The following CTDSPL variants were observed in gnomAD, a reference collection of about 807,000 sequenced individuals.
CTDSPL encodes CTD small phosphatase-like protein.
Under a neutral mutation model 30.5 loss-of-function variants are expected in CTDSPL, and 8 were observed. The observed-to-expected ratio is 0.26, with a 90% CI of 0.15 to 0.47. The LOEUF is 0.47. CTDSPL is among the 20% of genes least tolerant of loss of function. CTDSPL has a pLI of 0.99. For synonymous variants in CTDSPL, 110 were observed against 137.9 expected, an observed-to-expected ratio of 0.80 and a Z score of 1.42; for missense variants, 248 against 366.1, an observed-to-expected ratio of 0.68 and a Z score of 2.63.
chr3:37,883,405 C>T (rs957149939), intron 1 of CTDSPL, among the ~76,000 whole-genome samples: 5 of 152,202 alleles, frequency 3.3e-5, no homozygotes, highest in Non-Finnish European at 5.9e-5. Flanking sequence ...TCAGGGAGTC[C>T]ATGAACTTAG....
chr3:37,979,619 C>A (rs1476382754), intron 7 of CTDSPL, among the ~76,000 whole-genome samples: 1 of 151,942 alleles, frequency 6.6e-6, no homozygotes, highest in East Asian at 1.9e-4. Flanking sequence ...AAAAAATTAG[C>A]CAAGCGTGGT....
chr3:37,869,202 A>G (rs374017966), intron 1 of CTDSPL, among the ~76,000 whole-genome samples: 2 of 152,224 alleles, frequency 1.3e-5, no homozygotes, highest in East Asian at 3.9e-4. Context: ...ATATAATCAT[A>G]TAAACACATT....
chr3:37,920,912 C>A (rs79649496), intron 1 of CTDSPL, among the ~76,000 whole-genome samples: 1 of 152,206 alleles, frequency 6.6e-6, no homozygotes, highest in African/African-American at 2.4e-5. Flanking sequence ...ACCTGTGAGA[C>A]CTGCTTCCCC....
At chr3:37,917,739 C>G (rs976857381) in intron 1 of CTDSPL, among the ~76,000 whole-genome samples, 6 of 152,206 alleles carry the variant, frequency 3.9e-5, no homozygotes, top group African/African-American at 1.4e-4. Flanking sequence ...ATGAAACATT[C>G]ATTCTTTAAT....
rs778471490 is a variant in CTDSPL at position 37,947,117 on chromosome 3, T to G, written c.140T>G (p.Phe47Cys). The G allele has an allele frequency of 1.1e-5, 17 of 1,613,644 alleles. No homozygotes were observed. Among genetic ancestry groups the G allele is most frequent in the Admixed American group, 1.7e-5 (1 of 60,004 alleles). The part of the protein sequence containing the change: ...QRSRSILSSF[F>C]CCFRDYNVEA... Reference sequence around the variant, plus strand: ...AGCCGCAGCATCCTTAGCTCCTTCTTCTGCTGCTTCCGTGATTACAATGTG... The same window carrying G: ...AGCCGCAGCATCCTTAGCTCCTTCTGCTGCTGCTTCCGTGATTACAATGTG... The change falls in exon 2 of 8, where the codon TTC becomes TGC. Residue 47 changes from phenylalanine to cysteine, a missense_variant. Phe to Cys is a radical substitution (Grantham distance 205). Around this residue, in one of 4 missense-constraint regions of CTDSPL, gnomAD observed 118 missense variants for 124.7 expected, o/e 0.95. Transcript: ENST00000273179.
rs1335329329 is a variant in CTDSPL, at chr3:37,937,532, G to C, written c.80-9525G>C. On this transcript the variant is annotated intron_variant, in intron 1 of 7. Coordinates refer to ENST00000273179, the MANE Select transcript of CTDSPL (RefSeq NM_001008392.2). ...AAGCAGCGCGAGACCCTCGCCAGCT[G>C]GGCTACCCAGTCTTGGACTTTTCAA... Among the ~76,000 whole-genome samples the C allele has an allele frequency of 2.0e-5, 3 of 150,636 alleles. No individual in the cohort carries two copies. The East Asian group carries it at 5.8e-4, about 29-fold the overall frequency.
chr3:37,969,520 C>A, intron 5 of CTDSPL: 1 of 440,892 alleles, frequency 2.3e-6, no homozygotes. Flanking sequence ...ACCCCCCTCT[C>A]TGCCAGAGGC....
chr3:37,977,140 A>C (rs1457095981), intron 7 of CTDSPL, among the ~76,000 whole-genome samples: 1 of 152,248 alleles, frequency 6.6e-6, no homozygotes, highest in African/African-American at 2.4e-5. Context: ...AGTAAATCAA[A>C]TTCAACATAA....
rs1036468999 is a variant in CTDSPL at position 37,932,716 on chromosome 3, G to A, written c.80-14341G>A. On this transcript the variant is annotated intron_variant, in intron 1 of 7. Coordinates refer to ENST00000273179, the MANE Select transcript of CTDSPL (RefSeq NM_001008392.2). ...ACAGCTTTAGTGGAACACCCCATGG[G>A]TGGGAGTGTACACTAGCACTGCCTT... Among the ~76,000 whole-genome samples the A allele has an allele frequency of 6.6e-5, 10 of 152,220 alleles. 1 individual carries two copies. Among genetic ancestry groups the A allele is most frequent in the African/African-American group, 1.9e-4 (8 of 41,450 alleles).
chr3:37,887,139 G>A (rs1698272101), intron 1 of CTDSPL, among the ~76,000 whole-genome samples: 1 of 152,172 alleles, frequency 6.6e-6, no homozygotes, highest in African/African-American at 2.4e-5. Context: ...AGCCAAACTG[G>A]CCTGGGCCCA....
At chr3:37,880,755 T>G (rs2125592093) in intron 1 of CTDSPL, among the ~76,000 whole-genome samples, 1 of 152,308 alleles carries the variant, frequency 6.6e-6, no homozygotes, top group Middle Eastern at 3.4e-3. Flanking sequence ...AGTTTTGAGA[T>G]GTTTTTAGAA....
chr3:37,866,405 A>G (rs1432487736), intron 1 of CTDSPL, among the ~76,000 whole-genome samples: 2 of 152,218 alleles, frequency 1.3e-5, no homozygotes, highest in Non-Finnish European at 2.9e-5. Context: ...CTGACAACAA[A>G]TATTCCTCTG....
chr3:37,945,046 A>G (rs1487092701), intron 1 of CTDSPL, among the ~76,000 whole-genome samples: 1 of 150,340 alleles, frequency 6.7e-6, no homozygotes, highest in African/African-American at 2.4e-5. Context: ...GGACCTGGGA[A>G]GGTGCTTTCT....
chr3:37,975,953 G>A lies in CTDSPL; in HGVS notation c.705+59G>A. On this transcript the variant is annotated intron_variant, in intron 7 of 7. Coordinates refer to ENST00000273179, the MANE Select transcript of CTDSPL (RefSeq NM_001008392.2). This position sits in a 1 kb window ranked among gnomAD's most constrained non-coding sequence, Gnocchi z 4.9. ...CCATCTGAGCCCTCTGTCTTGCCAG[G>A]CAGGTACCACTTTTGAGCACCTACA... 4 of 1,555,724 alleles carry A rather than the reference G, an allele frequency of 2.6e-6. No homozygotes were observed. Among genetic ancestry groups the A allele is most frequent in the Admixed American group, 3.5e-5 (2 of 56,526 alleles).
At chr3:37,960,088 C>A (rs1379519114) in intron 3 of CTDSPL, among the ~76,000 whole-genome samples, 1 of 151,970 alleles carries the variant, frequency 6.6e-6, no homozygotes, top group Non-Finnish European at 1.5e-5. Context: ...TGCGGTGGCT[C>A]ACACCTGTAA....
Position 37,862,273 on chromosome 3 carries a change from A to G in CTDSPL, c.74A>G (p.Glu25Gly). Residue 25 changes from glutamate to glycine, a missense_variant, in exon 1 of 8, where the codon GAG becomes GGG. Glu to Gly is a moderately conservative substitution (Grantham distance 98). Coordinates refer to ENST00000273179, the MANE Select transcript of CTDSPL (RefSeq NM_001008392.2). The surrounding 1 kb of genome is among the most constrained non-coding windows in gnomAD (Gnocchi z 4.3). Reference sequence around the variant, plus strand: ...GAGGGCCGGTTGCCGGGCGCGGGCGAGAAAGGTGAGGAGGGGCGCAGGCGG... The same window carrying G: ...GAGGGCCGGTTGCCGGGCGCGGGCGGGAAAGGTGAGGAGGGGCGCAGGCGG... Reference protein sequence around the residue: ...EDEGRLPGAGEKASQCNVSLK... With the variant: ...EDEGRLPGAGGKASQCNVSLK... The G allele has an allele frequency of 6.7e-7, 1 of 1,493,666 alleles. No individual in the cohort carries two copies. The highest frequency in any genetic ancestry group is 1.3e-5 in the South Asian group (1 of 79,250). The allele number at this position is 1,493,666 out of a possible 1,614,324, so 92.5% of individuals were successfully genotyped here.
intron 1 of CTDSPL, chr3:37,944,744 A>C (rs555466818): frequency 6.6e-6 from 1 of 150,530 alleles, no homozygotes; most frequent in African/African-American, 2.4e-5. Context: ...AACCTCCCAC[A>C]GCTGTGAAAA....
chr3:37,888,304 C>T (rs1206219219), intron 1 of CTDSPL, among the ~76,000 whole-genome samples: 1 of 152,216 alleles, frequency 6.6e-6, no homozygotes, highest in African/African-American at 2.4e-5. Flanking sequence ...GCATCAGTCT[C>T]TAAGGTGACA....
At chr3:37,929,301 C>T (rs1698821640) in intron 1 of CTDSPL, among the ~76,000 whole-genome samples, 1 of 151,968 alleles carries the variant, frequency 6.6e-6, no homozygotes, top group South Asian at 2.1e-4. Flanking sequence ...ATTGTTTTTC[C>T]TGTTTCTGCA....
Sources: gnomAD v4.1 joint callset for allele counts (sites outside exome capture counted in the v4.1 genomes callset) on GRCh38, gnomAD v4.1.1 for gene constraint, gnomAD v4.1.1 regional missense constraint, Gnocchi (gnomAD v3.1) non-coding constraint, MANE v1.5 for transcripts, NCBI Gene and HGNC (gene_info 2026-07-23, HGNC 2026-07-21) for gene names.